The following RALYL variants were observed in gnomAD, a reference collection of about 807,000 sequenced individuals.
RALYL encodes the protein RNA-binding Raly-like protein.
RALYL carries 29 observed loss-of-function variants against 35.1 expected under a neutral mutation model. The observed-to-expected ratio is 0.83, with a 90% CI of 0.61 to 1.13. The LOEUF (loss-of-function observed/expected upper bound fraction) is 1.13. Ranked by LOEUF, RALYL falls within the 50% of genes most tolerant of loss-of-function variation. The pLI, the probability that RALYL is intolerant of heterozygous loss-of-function variation, is 0.00. For synonymous variants in RALYL, 120 were observed against 127.6 expected, an observed-to-expected ratio of 0.94 and a Z score of 0.40; for missense variants, 359 against 360.4, an observed-to-expected ratio of 1.00 and a Z score of 0.03.
At chr8:84,584,738 A>G (rs1467776900) in intron 2 of RALYL, among the ~76,000 whole-genome samples, 1 of 152,234 alleles carries the variant, frequency 6.6e-6, no homozygotes, top group African/African-American at 2.4e-5. Context: ...TAATAAGAAG[A>G]CATGCAGAAA....
intron 4 of RALYL, among the ~76,000 whole-genome samples, chr8:84,833,740 T>C (rs182271036): frequency 1.7e-3 from 259 of 151,922 alleles, no homozygotes; most frequent in African/African-American, 5.9e-3. Context: ...TACAGCAATA[T>C]CTGGGAAGCC....
chr8:84,482,615 C>A (rs2054165650), intron 1 of RALYL, among the ~76,000 whole-genome samples: 1 of 152,006 alleles, frequency 6.6e-6, no homozygotes, highest in African/African-American at 2.4e-5. Context: ...GAAAACAGAA[C>A]ACAGATATCC....
At chr8:84,405,408 A>G (rs1173883925) in intron 1 of RALYL, among the ~76,000 whole-genome samples, 1 of 152,200 alleles carries the variant, frequency 6.6e-6, no homozygotes, top group Non-Finnish European at 1.5e-5. Flanking sequence ...TCAAAAATCA[A>G]TGAATCCAGG....
At chr8:84,640,052 G>T (rs1483111297) in intron 2 of RALYL, among the ~76,000 whole-genome samples, 1 of 151,880 alleles carries the variant, frequency 6.6e-6, no homozygotes, top group Non-Finnish European at 1.5e-5. Context: ...GCTTTGATAA[G>T]CCCCAGCTAT....
chr8:84,836,698 G>A (rs1832093895), intron 4 of RALYL, among the ~76,000 whole-genome samples: 1 of 152,150 alleles, frequency 6.6e-6, no homozygotes, highest in Non-Finnish European at 1.5e-5. Context: ...CTGACAGCTA[G>A]AAACCTACAC....
intron 5 of RALYL, among the ~76,000 whole-genome samples, chr8:84,858,422 T>C (rs72681059): frequency 2.8e-3 from 420 of 152,180 alleles, no homozygotes; most frequent in Non-Finnish European, 4.6e-3. Flanking sequence ...AAAATTATCC[T>C]GACCAAGAAA....
intron 1 of RALYL, among the ~76,000 whole-genome samples, chr8:84,187,229 A>G (rs1812756401): frequency 6.6e-6 from 1 of 152,122 alleles, no homozygotes; most frequent in Admixed American, 6.5e-5. Context: ...AGAACTTTTT[A>G]TGGGATAATA....
chr8:84,622,597 G>T (rs1017354809), intron 2 of RALYL, among the ~76,000 whole-genome samples: 7 of 152,084 alleles, frequency 4.6e-5, no homozygotes, highest in African/African-American at 1.7e-4. Context: ...GAGTCGAGGG[G>T]CATTAGTACA....
chr8:84,335,709 CTTTTTTT>C (rs548185561), intron 1 of RALYL, among the ~76,000 whole-genome samples: 1,065 of 85,304 alleles, frequency 0.012, 32 homozygotes, highest in African/African-American at 0.059. Context: ...GTTTTCTTAC[CTTTTTTT>C]TTTTTTTTTT....
intron 1 of RALYL, among the ~76,000 whole-genome samples, chr8:84,193,540 A>C (rs545644608): frequency 6.6e-6 from 1 of 152,360 alleles, no homozygotes; most frequent in African/African-American, 2.4e-5. Flanking sequence ...GTGGTAAATA[A>C]AACTGATAAC....
chr8:84,427,386 G>A (rs1461538807), intron 1 of RALYL, among the ~76,000 whole-genome samples: 3 of 152,142 alleles, frequency 2.0e-5, no homozygotes, highest in African/African-American at 7.2e-5. Context: ...GTAAAATGAA[G>A]GTTTCTGGAC....
At chr8:84,401,126 A>T (rs2042843529) in intron 1 of RALYL, among the ~76,000 whole-genome samples, 1 of 152,198 alleles carries the variant, frequency 6.6e-6, no homozygotes, top group Non-Finnish European at 1.5e-5. Context: ...GATTAATCAT[A>T]TTCCTGTCAG....
At chr8:84,594,025 T>C (rs538461904) in intron 2 of RALYL, among the ~76,000 whole-genome samples, 1 of 152,180 alleles carries the variant, frequency 6.6e-6, no homozygotes, top group South Asian at 2.1e-4. Flanking sequence ...TTGTAGCTTT[T>C]TCCACATCAG....
intron 2 of RALYL, among the ~76,000 whole-genome samples, chr8:84,715,922 A>C (rs764722730): frequency 2.6e-5 from 4 of 152,048 alleles, no homozygotes; most frequent in Non-Finnish European, 5.9e-5. Flanking sequence ...TATCTCTAGA[A>C]CTTCATTTGT....
chr8:84,906,919 T>C, intron 8 of RALYL: 1 of 983,280 alleles, frequency 1.0e-6, no homozygotes, highest in Non-Finnish European at 1.2e-6. Flanking sequence ...AAACCTTCGC[T>C]GTCTTTAGAA....
At chr8:84,826,938 T>C (rs538335891) in intron 4 of RALYL, among the ~76,000 whole-genome samples, 1 of 151,932 alleles carries the variant, frequency 6.6e-6, no homozygotes, top group African/African-American at 2.4e-5. Context: ...ATAGGGGAAA[T>C]ATAGAGAGTA....
chr8:84,388,374 G>T (rs1002997975), intron 1 of RALYL, among the ~76,000 whole-genome samples: 15 of 152,174 alleles, frequency 9.9e-5, no homozygotes, highest in African/African-American at 3.4e-4. Flanking sequence ...GGGATGGCTG[G>T]GTCAAATGGT....
At chr8:84,632,903 T>G (rs1425899907) in intron 2 of RALYL, among the ~76,000 whole-genome samples, 1 of 151,892 alleles carries the variant, frequency 6.6e-6, no homozygotes, top group Non-Finnish European at 1.5e-5. Flanking sequence ...ATGATGCTAT[T>G]TTGAGAACAT....
intron 1 of RALYL, among the ~76,000 whole-genome samples, chr8:84,207,494 C>T (rs1818326299): frequency 6.6e-6 from 1 of 151,878 alleles, no homozygotes; most frequent in South Asian, 2.1e-4. Flanking sequence ...CATTATATTA[C>T]TTATATGTAT....
Sources: gnomAD v4.1 joint callset for allele counts (sites outside exome capture counted in the v4.1 genomes callset) on GRCh38, gnomAD v4.1.1 for gene constraint, MANE v1.5 for transcripts, NCBI Gene and HGNC (gene_info 2026-07-23, HGNC 2026-07-21) for gene names.